Variants in ETS2 observed in about 807,000 individuals in gnomAD.
The protein encoded by ETS2 is protein C-ets-2.
Under a neutral mutation model 54.9 loss-of-function variants are expected in ETS2, and 19 were observed. That is an observed-to-expected ratio of 0.35 (90% CI 0.24 to 0.51). The LOEUF (loss-of-function observed/expected upper bound fraction) is 0.51. Ranked by LOEUF, ETS2 falls within the 20% of genes least tolerant of loss-of-function variation. ETS2 has a pLI of 0.97. For missense variants in ETS2, 417 were observed against 593.0 expected, an observed-to-expected ratio of 0.70 and a Z score of 3.08; for synonymous variants, 219 against 229.3, an observed-to-expected ratio of 0.95 and a Z score of 0.41.
Position 38,814,670 on chromosome 21 carries a change from T to C in ETS2, c.305-111T>C. On this transcript the variant is annotated intron_variant, in intron 4 of 9. Transcript: ENST00000360938. The surrounding 1 kb of genome is among the most constrained non-coding windows in gnomAD (Gnocchi z 4.2). The stretch of plus-strand genomic sequence containing the variant: ...GTCATCATGGTATCTTGCTCATTCG[T>C]GGGTTCTGGTGTATGTCGGTACTTG... The C allele has an allele frequency of 1.0e-6, 1 of 986,956 alleles. No homozygotes were observed. The highest frequency in any genetic ancestry group is 2.4e-5 in the East Asian group (1 of 41,440). The allele number at this position is 986,956 out of a possible 1,614,324, so 61.1% of individuals were successfully genotyped here.
At chr21:38,819,443 G>A (rs368429511) in intron 7 of ETS2, 60 bp from the exon 8 acceptor site, 88 of 1,535,576 alleles carry the variant, frequency 5.7e-5, no homozygotes, top group Admixed American at 3.6e-4. Flanking sequence ...TGCTATGGTC[G>A]TGCCCAAGAC....
chr21:38,813,566 T>C lies in ETS2; in HGVS notation c.184+452T>C, dbSNP rs140559047. ...TGTAATCCTTACCCATCGGTAGTTC[T>C]TTCTGTAGTTCTTCGTGTCATTGTT... On this transcript the variant is annotated intron_variant, in intron 3 of 9. Coordinates refer to ENST00000360938, the MANE Select transcript of ETS2 (RefSeq NM_005239.6). Among the ~76,000 whole-genome samples the C allele has an allele frequency of 1.1e-3, 171 of 152,380 alleles. 3 individuals carry two copies. The highest frequency in any genetic ancestry group is 4.0e-3 in the African/African-American group (166 of 41,592).
At chr21:38,805,845 C>A, upstream of ETS2, 1 of 1,115,860 alleles carries the variant, frequency 9.0e-7, no homozygotes, top group Non-Finnish European at 1.1e-6. The surrounding 1 kb of genome is among the most constrained non-coding windows in gnomAD (Gnocchi z 5.2). Context: ...TCCTCCCCTC[C>A]CCTCCACTCG....
intron 2 of ETS2, 78 bp from the exon 3 acceptor site, chr21:38,812,925 C>A: frequency 9.9e-7 from 1 of 1,009,982 alleles, no homozygotes; most frequent in South Asian, 1.3e-5. Flanking sequence ...GTAGGATTGC[C>A]CACAGACCAC....
upstream of ETS2, chr21:38,805,528 C>T: frequency 7.8e-7 from 1 of 1,287,166 alleles, no homozygotes; most frequent in South Asian, 1.2e-5. This position sits in a 1 kb window ranked among gnomAD's most constrained non-coding sequence, Gnocchi z 5.2. Context: ...CGCACACTCG[C>T]GCGCACGTGG....
intron 2 of ETS2, among the ~76,000 whole-genome samples, chr21:38,812,027 AG>A (rs918416559): frequency 6.6e-6 from 1 of 152,076 alleles, no homozygotes; most frequent in Non-Finnish European, 1.5e-5. Context: ...GGGGGCGGGG[AG>A]GGGGTTCATT....
intron 6 of ETS2, among the ~76,000 whole-genome samples, chr21:38,817,644 G>C (rs2060940592): frequency 6.6e-6 from 1 of 152,208 alleles, no homozygotes; most frequent in Non-Finnish European, 1.5e-5. Flanking sequence ...TTGTAAACTG[G>C]CTCTGAACTT....
chr21:38,820,689 C>A (rs1026892862), intron 8 of ETS2, among the ~76,000 whole-genome samples: 1 of 152,176 alleles, frequency 6.6e-6, no homozygotes, highest in African/African-American at 2.4e-5. Context: ...GAAATTGGCT[C>A]ACAGGCAGAC....
At chr21:38,818,366 G>T (rs1332540911) in intron 6 of ETS2, 59 bp from the exon 7 acceptor site, 19 of 1,610,064 alleles carry the variant, frequency 1.2e-5, no homozygotes, top group African/African-American at 9.4e-5. Flanking sequence ...GCTCGTAGGG[G>T]TTAGTTACTG....
At chr21:38,820,480 A>G (rs774891787) in intron 8 of ETS2, among the ~76,000 whole-genome samples, 1 of 152,242 alleles carries the variant, frequency 6.6e-6, no homozygotes, top group Non-Finnish European at 1.5e-5. Context: ...ATACACGGAA[A>G]GAGTGTGTGA....
At position 38,806,602 on chromosome 21, in the gene ETS2, A is replaced by G; in HGVS notation, c.-1+482A>G. The G allele has an allele frequency of 1.0e-6, 1 of 984,768 alleles. No individual in the cohort carries two copies. The highest frequency in any genetic ancestry group is 1.2e-6 in the Non-Finnish European group (1 of 829,812). The allele number at this position is 984,768 out of a possible 1,614,324, so 61.0% of individuals were successfully genotyped here. A position where few individuals can be genotyped will look rare whatever the true frequency, so the allele number is the denominator to read the frequency against. On this transcript the variant is annotated intron_variant, in intron 1 of 9. Transcript: ENST00000360938. The surrounding 1 kb of genome is among the most constrained non-coding windows in gnomAD (Gnocchi z 4.3). ...CCTGGAGCGGCGCCGGGCCCGGAGGATCTGGGGCGCCCAAGACACCTGAAG... is the reference window on the plus strand; with the variant it reads ...CCTGGAGCGGCGCCGGGCCCGGAGGGTCTGGGGCGCCCAAGACACCTGAAG...
Position 38,822,925 on chromosome 21 carries a change from G to A in ETS2, c.*36G>A, listed in dbSNP as rs760464569. On this transcript the variant is annotated 3_prime_UTR_variant, in exon 10 of 10. Coordinates refer to ENST00000360938, the MANE Select transcript of ETS2 (RefSeq NM_005239.6). ...ACCACCCTGAGCCGGCCCCAGGCTC[G>A]TGGACTGAGTGGGAAGCCCATCCTG... is the stretch of plus-strand genomic sequence containing the variant. The A allele has an allele frequency of 3.4e-6, 5 of 1,455,798 alleles. No homozygotes were observed. Among genetic ancestry groups the A allele is most frequent in the South Asian group, 2.7e-5 (2 of 73,500 alleles). The allele number at this position is 1,455,798 out of a possible 1,614,324, so 90.2% of individuals were successfully genotyped here.
Position 38,813,022 on chromosome 21 carries a change from C to T in ETS2, c.92C>T (p.Thr31Ile). ...TTGCAGCGCCAGCCAGCCTTTGACACCTTTGATGGGTCCCTGTTTGCTGTT... is the reference window on the plus strand; with the variant it reads ...TTGCAGCGCCAGCCAGCCTTTGACATCTTTGATGGGTCCCTGTTTGCTGTT... Reference protein sequence around the residue: ...GTLKRQPAFDTFDGSLFAVFP... With the variant: ...GTLKRQPAFDIFDGSLFAVFP... Residue 31 changes from threonine to isoleucine, a missense_variant, in exon 3 of 10, where the codon ACC (threonine) becomes ATC (isoleucine). Physicochemically the swap from Thr to Ile is moderately conservative, Grantham distance 89. Coordinates refer to ENST00000360938, the MANE Select transcript of ETS2 (RefSeq NM_005239.6). 1 of 1,613,814 alleles carries T rather than the reference C, an allele frequency of 6.2e-7. No individual in the cohort carries two copies.
Position 38,818,620 on chromosome 21 carries a change from A to G in ETS2, c.785A>G (p.Asn262Ser), listed in dbSNP as rs780262985. 2 of 1,614,190 alleles carry G rather than the reference A, an allele frequency of 1.2e-6. No homozygotes were observed. Among genetic ancestry groups the G allele is most frequent in the South Asian group, 1.1e-5 (1 of 91,082 alleles). Residue 262 changes from asparagine to serine, a missense_variant, in exon 7 of 10, where the codon AAC (asparagine) becomes AGC (serine). Asn to Ser is a conservative substitution (Grantham distance 46, BLOSUM62 1). Around this residue, in one of 3 missense-constraint regions of ETS2, gnomAD observed 326 missense variants for 426.1 expected, o/e 0.76. Transcript: ENST00000360938. ...CSVSQDFPGS[N>S]LNLLTNNSGT... Reference sequence around the variant, plus strand: ...GTCAGTCAGGACTTCCCAGGCAGCAACTTGAATTTGCTCACCAACAATTCT... The same window carrying G: ...GTCAGTCAGGACTTCCCAGGCAGCAGCTTGAATTTGCTCACCAACAATTCT...
intron 8 of ETS2, 141 bp downstream of exon 8, chr21:38,819,907 G>A (rs1032635572): frequency 1.9e-5 from 15 of 807,056 alleles, no homozygotes; most frequent in Non-Finnish European, 2.9e-5. Flanking sequence ...TTTTATGCGT[G>A]GCTTGCTGTA....
upstream of ETS2, chr21:38,805,467 C>T (rs1391161349): frequency 7.8e-7 from 1 of 1,288,192 alleles, no homozygotes. The surrounding 1 kb of genome is among the most constrained non-coding windows in gnomAD (Gnocchi z 5.2). Flanking sequence ...GGCCTTGGCC[C>T]CAGAGAGGAC....
rs762953188 is a variant in ETS2 at position 38,817,102 on chromosome 21, T to G, written c.589+11T>G. On this transcript the variant is annotated intron_variant, in intron 6 of 9. Coordinates refer to ENST00000360938, the MANE Select transcript of ETS2 (RefSeq NM_005239.6). Reference sequence around the variant, plus strand: ...ACAGCAATACATTAGGTCAGTCCGATTGATTCTGCCCTTAAGAACTTTGTC... The same window carrying G: ...ACAGCAATACATTAGGTCAGTCCGAGTGATTCTGCCCTTAAGAACTTTGTC... 8 of 1,561,290 alleles carry G rather than the reference T, an allele frequency of 5.1e-6. No homozygotes were observed. In the East Asian group the frequency reaches 1.8e-4, roughly 35 times the overall value.
intron 1 of ETS2, among the ~76,000 whole-genome samples, chr21:38,809,383 A>G (rs2060905499): frequency 6.6e-6 from 1 of 152,224 alleles, no homozygotes. Context: ...AGAAGTGCAC[A>G]GCCAAGCAAC....
chr21:38,818,545 A>G lies in ETS2; in HGVS notation c.710A>G (p.Gln237Arg). The change falls in exon 7 of 10, where the codon CAG becomes CGG. Residue 237 changes from glutamine to arginine, a missense_variant. Physicochemically the swap from Gln to Arg is conservative, Grantham distance 43 (BLOSUM62 1). This residue lies in a region of ETS2 where 326 missense variants were observed against 426.1 expected (regional missense o/e 0.76). Coordinates refer to ENST00000360938, the MANE Select transcript of ETS2 (RefSeq NM_005239.6). Reference sequence around the variant, plus strand: ...GTACTCAGCTCTGAGCAGGAGTTTCAGATGTTCCCCAAGTCTCGGCTCAGC... The same window carrying G: ...GTACTCAGCTCTGAGCAGGAGTTTCGGATGTTCCCCAAGTCTCGGCTCAGC... ...PSVLSSEQEFQMFPKSRLSSV... is the reference protein window; with the variant it reads ...PSVLSSEQEFRMFPKSRLSSV... The G allele has an allele frequency of 6.2e-7, 1 of 1,614,138 alleles. No individual in the cohort carries two copies. The highest frequency in any genetic ancestry group is 8.5e-7 in the Non-Finnish European group (1 of 1,180,040).
Sources: gnomAD v4.1 joint callset for allele counts (sites outside exome capture counted in the v4.1 genomes callset) on GRCh38, gnomAD v4.1.1 for gene constraint, gnomAD v4.1.1 regional missense constraint, Gnocchi (gnomAD v3.1) non-coding constraint, MANE v1.5 for transcripts, NCBI Gene and HGNC (gene_info 2026-07-23, HGNC 2026-07-21) for gene names.